The following SIN3A variants were observed in gnomAD, a reference collection of about 807,000 sequenced individuals.
SIN3A encodes paired amphipathic helix protein Sin3a.
Under a neutral mutation model 146.1 loss-of-function variants are expected in SIN3A, and 14 were observed. That is an observed-to-expected ratio of 0.10 (90% CI 0.06 to 0.15). The LOEUF (loss-of-function observed/expected upper bound fraction) is 0.15, where lower values mean the gene tolerates loss of function less well. Ranked by LOEUF, SIN3A falls within the 10% of genes least tolerant of loss-of-function variation. The pLI is 1.00. For synonymous variants in SIN3A, 572 were observed against 572.0 expected (o/e 1.00, Z 0.00); for missense variants, 1,028 against 1,576.0 (o/e 0.65, Z 5.89).
At chr15:75,417,354 G>C (rs946413980) in intron 3 of SIN3A, among the ~76,000 whole-genome samples, 1 of 151,284 alleles carries the variant, frequency 6.6e-6, no homozygotes, top group East Asian at 1.9e-4. Context: ...ATAAACATTT[G>C]ATGTGATTTA....
intron 9 of SIN3A, among the ~76,000 whole-genome samples, chr15:75,404,107 A>G (rs1312890230): frequency 6.6e-6 from 1 of 152,230 alleles, no homozygotes; most frequent in East Asian, 1.9e-4. Flanking sequence ...CCTTTGGTGA[A>G]GACCACAGAC....
chr15:75,390,980 G>GA, intron 15 of SIN3A, among the ~76,000 whole-genome samples: 1 of 152,264 alleles, frequency 6.6e-6, no homozygotes, highest in Non-Finnish European at 1.5e-5. Flanking sequence ...TTGTGCTGGA[G>GA]AAAAAAGGCT....
chr15:75,376,094 G>C (rs1339491988), intron 19 of SIN3A: 1 of 584,678 alleles, frequency 1.7e-6, no homozygotes, highest in Non-Finnish European at 3.0e-6. Flanking sequence ...TGACTTAGCA[G>C]ATGTAGCCAG....
chr15:75,440,251 G>A (rs553502082), intron 1 of SIN3A, among the ~76,000 whole-genome samples: 3 of 148,300 alleles, frequency 2.0e-5, no homozygotes, highest in Non-Finnish European at 4.5e-5. Flanking sequence ...TTTTTTTTGA[G>A]ACACAGTCTT....
intron 12 of SIN3A, among the ~76,000 whole-genome samples, chr15:75,398,387 G>A (rs568291202): frequency 6.6e-6 from 1 of 152,066 alleles, no homozygotes; most frequent in African/African-American, 2.4e-5. Flanking sequence ...TCAAAATAAA[G>A]CTCCTGGGAC....
Position 75,411,689 on chromosome 15 carries a change from G to C in SIN3A, c.811C>G (p.Pro271Ala). 2 of 1,613,556 alleles carry C rather than the reference G, an allele frequency of 1.2e-6. No homozygotes were observed. Among genetic ancestry groups the C allele is most frequent in the Non-Finnish European group, 1.7e-6 (2 of 1,179,556 alleles). The change falls in exon 6 of 21, where the codon CCG (proline) becomes GCG (alanine). Residue 271 changes from proline to alanine, a missense_variant. Pro to Ala is a conservative substitution (Grantham distance 27). This residue lies in a region of SIN3A where 112 missense variants were observed against 135.7 expected (regional missense o/e 0.83). Transcript: ENST00000394947. ...GGCGGAGAACGTGGGGATGCATACG[G>C]TGGAAGTGGGGGAGTCTGCTGACTG... is the stretch of plus-strand genomic sequence containing the variant. ...PASQQTPPLP[P>A]YASPRSPPVQ...
intron 11 of SIN3A, 41 bp downstream of exon 11, chr15:75,400,689 G>A: frequency 1.3e-6 from 2 of 1,493,886 alleles, no homozygotes; most frequent in Non-Finnish European, 1.9e-6. Flanking sequence ...TCTGGAAAAA[G>A]CTGAGGACCC....
At chr15:75,381,546 C>A in intron 18 of SIN3A, 67 bp downstream of exon 18, 2 of 1,244,812 alleles carry the variant, frequency 1.6e-6, no homozygotes, top group Admixed American at 3.7e-5. Context: ...GACAGGGTCA[C>A]TGGACAGACT....
intron 9 of SIN3A, among the ~76,000 whole-genome samples, chr15:75,402,378 G>A (rs1316371617): frequency 6.6e-6 from 1 of 151,810 alleles, no homozygotes; most frequent in Non-Finnish European, 1.5e-5. Flanking sequence ...CAGGCATGGT[G>A]GCACACGCCT....
At chr15:75,396,531 C>T (rs1166118442) in intron 12 of SIN3A, 35 bp from the exon 13 acceptor site, 6 of 1,456,134 alleles carry the variant, frequency 4.1e-6, no homozygotes, top group Non-Finnish European at 5.7e-6. Flanking sequence ...ATGCTCAGGA[C>T]CCAAATCAAA....
At chr15:75,408,618 T>G (rs1390526150) in intron 8 of SIN3A, among the ~76,000 whole-genome samples, 1 of 152,232 alleles carries the variant, frequency 6.6e-6, no homozygotes, top group East Asian at 1.9e-4. Flanking sequence ...CTAAGTTTTC[T>G]GCAGGCAGAC....
At chr15:75,426,031 T>C (rs747831553) in intron 2 of SIN3A, among the ~76,000 whole-genome samples, 1 of 152,254 alleles carries the variant, frequency 6.6e-6, no homozygotes, top group Non-Finnish European at 1.5e-5. Context: ...GCTAGTATTC[T>C]GAGCTTCTGT....
chr15:75,405,688 T>C (rs979659246), intron 9 of SIN3A, among the ~76,000 whole-genome samples: 3 of 151,872 alleles, frequency 2.0e-5, no homozygotes, highest in African/African-American at 7.3e-5. Flanking sequence ...GAGGCGGAGG[T>C]TGCAGTGAGC....
Position 75,409,910 on chromosome 15 carries a change from T to A in SIN3A, c.1243A>T (p.Asn415Tyr). Residue 415 changes from asparagine to tyrosine, a missense_variant, in exon 8 of 21, where the codon AAC becomes TAC. Asn to Tyr is a moderately radical substitution (Grantham distance 143). Transcript: ENST00000394947. ...TTCTGGCTGGGCCTCTGCGGCTTGT[T>A]GTTCAGTTGGGGCTTCTTGACAGTG... ...GGTVKKPQLN[N>Y]KPQRPSQNGC... 1 of 1,614,098 alleles carries A rather than the reference T, an allele frequency of 6.2e-7. No individual in the cohort carries two copies. Among genetic ancestry groups the A allele is most frequent in the East Asian group, 2.2e-5 (1 of 44,880 alleles).
At chr15:75,396,149 AAGAG>A (rs1252935189) in intron 13 of SIN3A, 105 bp downstream of exon 13, 1 of 811,982 alleles carries the variant, frequency 1.2e-6, no homozygotes, top group Non-Finnish European at 2.0e-6. Context: ...GTTGGGGAGA[AAGAG>A]AGGTCTCATG....
At chr15:75,382,862 C>G (rs1342905036) in intron 17 of SIN3A, among the ~76,000 whole-genome samples, 2 of 152,124 alleles carry the variant, frequency 1.3e-5, no homozygotes, top group Admixed American at 1.3e-4. Context: ...GAGGGCAGAT[C>G]ACCTGAGCTC....
upstream of SIN3A, chr15:75,455,113 A>G (rs2074470655): frequency 7.3e-6 from 1 of 136,344 alleles, no homozygotes; most frequent in East Asian, 2.5e-4. Flanking sequence ...GCGGGCCCAC[A>G]GTGCCCGCGC....
chr15:75,440,854 C>T (rs1437758772), intron 1 of SIN3A, among the ~76,000 whole-genome samples: 2 of 151,740 alleles, frequency 1.3e-5, no homozygotes, highest in Non-Finnish European at 2.9e-5. Context: ...TGGTGGCAGG[C>T]GCCTGTAGTC....
chr15:75,409,377 G>C (rs572144009), intron 8 of SIN3A, among the ~76,000 whole-genome samples: 1 of 152,088 alleles, frequency 6.6e-6, no homozygotes, highest in Non-Finnish European at 1.5e-5. Context: ...GATAAACTCT[G>C]CACTGAGTTT....
Sources: gnomAD v4.1 joint callset for allele counts (sites outside exome capture counted in the v4.1 genomes callset) on GRCh38, gnomAD v4.1.1 for gene constraint, gnomAD v4.1.1 regional missense constraint, MANE v1.5 for transcripts, NCBI Gene and HGNC (gene_info 2026-07-23, HGNC 2026-07-21) for gene names.